EXPH5: variants seen among roughly 807,000 people sequenced by gnomAD.
The protein encoded by EXPH5 is exophilin 5.
Under a neutral mutation model 41.1 loss-of-function variants are expected in EXPH5, and 42 were observed. That is an observed-to-expected ratio of 1.02 (90% CI 0.80 to 1.32). EXPH5 has a LOEUF of 1.32. EXPH5 is among the 40% of genes most tolerant of loss of function. The pLI is 0.00. For missense variants in EXPH5, 2,298 were observed against 2,314.5 expected, an observed-to-expected ratio of 0.99 and a Z score of 0.15; for synonymous variants, 798 against 833.5, an observed-to-expected ratio of 0.96 and a Z score of 0.73.
chr11:108,532,352 ATATATATATATATATTTTTTTTTTTTTT>A lies in EXPH5; in HGVS notation c.444-4196_444-4169del, dbSNP rs1326612721. Reference sequence around the variant, plus strand: ...ACCACCACACTGGATATATATATATATATATATATATATATTTTTTTTTTTTTTTTTTTTTTTTTTTTTGTAGAGATGG... The same window carrying A: ...ACCACCACACTGGATATATATATATATTTTTTTTTTTTTTTGTAGAGATGG... On this transcript the variant is annotated intron_variant, in intron 3 of 5. Coordinates refer to ENST00000265843, the MANE Select transcript of EXPH5 (RefSeq NM_015065.3). Among the ~76,000 whole-genome samples, 5 of 7,656 alleles carry A rather than the reference ATATATATATATATATTTTTTTTTTTTTT, an allele frequency of 6.5e-4. 1 individual carries two copies. The highest frequency in any genetic ancestry group is 3.1e-3 in the African/African-American group (5 of 1,636). 5.0% of individuals were successfully genotyped at this position (7,656 alleles called of 152,430 possible). A position where few individuals can be genotyped will look rare whatever the true frequency, so the allele number is the denominator to read the frequency against.
chr11:108,562,341 G>A (rs971648751), intron 1 of EXPH5, among the ~76,000 whole-genome samples: 3 of 138,216 alleles, frequency 2.2e-5, no homozygotes, highest in East Asian at 2.2e-4. Context: ...GCCTATAATC[G>A]CAGCACTTTG....
intron 1 of EXPH5, among the ~76,000 whole-genome samples, chr11:108,581,579 A>G (rs952599903): frequency 2.0e-4 from 30 of 152,096 alleles, no homozygotes; most frequent in Non-Finnish European, 3.8e-4. Context: ...TCAATCAATA[A>G]TCTAAGTTTT....
At chr11:108,515,651 A>T (rs1255671312) in intron 5 of EXPH5, among the ~76,000 whole-genome samples, 1 of 152,204 alleles carries the variant, frequency 6.6e-6, no homozygotes, top group African/African-American at 2.4e-5. Context: ...TTCTATAATG[A>T]GGAAACTGAT....
intron 2 of EXPH5, among the ~76,000 whole-genome samples, chr11:108,541,136 C>T (rs536250342): frequency 6.6e-5 from 10 of 152,166 alleles, no homozygotes; most frequent in Non-Finnish European, 1.3e-4. Context: ...AACTCCTGAG[C>T]TTAAGTGATC....
chr11:108,538,995 G>A (rs2093896823), intron 3 of EXPH5, 29 bp downstream of exon 3: 1 of 1,528,284 alleles, frequency 6.5e-7, no homozygotes, highest in African/African-American at 1.4e-5. Context: ...ATAACAAATG[G>A]GCCGTAACAT....
In EXPH5 at chr11:108,511,118, G is replaced by A. The variant is rs74858839; in HGVS notation, c.4389C>T (p.Pro1463=). 1.3e-3 allele frequency: 2,018 copies of A among 1,613,894 alleles called. 22 individuals carry two copies. The African/African-American group carries it at 0.023, about 18-fold the overall frequency. ...AIPFTGSGKC[P]QKDHTSTAVG... ...CAGCTGTGGATGTGTGATCTTTCTGGGGACACTTGCCACTTCCAGTAAATG... is the reference window on the plus strand; with the variant it reads ...CAGCTGTGGATGTGTGATCTTTCTGAGGACACTTGCCACTTCCAGTAAATG... The change falls in exon 6 of 6, where the codon CCC becomes CCT. Residue 1463 remains proline, a synonymous_variant. Transcript: ENST00000265843.
At chr11:108,591,942 C>A (rs2094128486) in intron 1 of EXPH5, among the ~76,000 whole-genome samples, 1 of 152,234 alleles carries the variant, frequency 6.6e-6, no homozygotes, top group African/African-American at 2.4e-5. Flanking sequence ...GAAGCCCCAT[C>A]CTCTTCAGAG....
At position 108,508,076 on chromosome 11, in the gene EXPH5, G is replaced by A. The variant is rs867161187; in HGVS notation, c.*1461C>T. ...TGCCTGTAGTCCCAGCTACTTGGGA[G>A]GCTGAGGCAGGAGAATTGCCTGAAC... On this transcript the variant is annotated 3_prime_UTR_variant, in exon 6 of 6. Coordinates refer to ENST00000265843, the MANE Select transcript of EXPH5 (RefSeq NM_015065.3). The A allele has an allele frequency of 1.8e-4, 28 of 151,704 alleles. No homozygotes were observed. The highest frequency in any genetic ancestry group is 5.8e-4 in the African/African-American group (24 of 41,096). The allele number at this position is 151,704 out of a possible 1,614,324, so 9.4% of individuals were successfully genotyped here.
At chr11:108,523,135 T>G (rs1356488914) in intron 4 of EXPH5, among the ~76,000 whole-genome samples, 3 of 152,018 alleles carry the variant, frequency 2.0e-5, no homozygotes, top group African/African-American at 7.3e-5. Flanking sequence ...CTTGGCATCC[T>G]AAAGTGCTGG....
chr11:108,600,137 A>G, the EXPH5 span, among the ~76,000 whole-genome samples: 1 of 152,182 alleles, frequency 6.6e-6, no homozygotes, highest in Non-Finnish European at 1.5e-5. Flanking sequence ...GAAAATTCAA[A>G]TATGGGAGAC....
intron 1 of EXPH5, among the ~76,000 whole-genome samples, chr11:108,551,232 TTGTC>T (rs1420459023): frequency 6.6e-6 from 1 of 152,202 alleles, no homozygotes; most frequent in Admixed American, 6.5e-5. Flanking sequence ...GTGTATCTCA[TTGTC>T]TGTGGGTATT....
rs1387144157 is a variant in EXPH5, at chr11:108,512,720, C to T, written c.2787G>A (p.Lys929=). The change falls in exon 6 of 6, where the codon AAG becomes AAA. Residue 929 remains lysine, a synonymous_variant. Transcript: ENST00000265843. ...GEREEKDNAG[K]NQKNQFIVSH... ...TTACAATAAACTGATTCTTTTGGTT[C>T]TTCCCAGCATTGTCTTTTTCTTCTC... is the stretch of plus-strand genomic sequence containing the variant. 1 of 1,613,884 alleles carries T rather than the reference C, an allele frequency of 6.2e-7. No individual in the cohort carries two copies. The highest frequency in any genetic ancestry group is 1.1e-5 in the South Asian group (1 of 91,026).
chr11:108,601,678 CTCTT>C, the EXPH5 span, among the ~76,000 whole-genome samples: 32 of 151,940 alleles, frequency 2.1e-4, 1 homozygote, highest in South Asian at 4.4e-3. Context: ...GATGGAAACT[CTCTT>C]TCTTTCTTTT....
intron 1 of EXPH5, among the ~76,000 whole-genome samples, chr11:108,556,320 G>C (rs532435103): frequency 3.9e-4 from 59 of 152,114 alleles, no homozygotes; most frequent in African/African-American, 4.1e-4. Flanking sequence ...GGACTGTTTG[G>C]GGATTTGCCT....
chr11:108,555,925 C>A (rs192266704), intron 1 of EXPH5, among the ~76,000 whole-genome samples: 1 of 152,146 alleles, frequency 6.6e-6, no homozygotes, highest in South Asian at 2.1e-4. Flanking sequence ...TTCATAGCAG[C>A]GTGAGAACGG....
In EXPH5 at chr11:108,507,041, A is replaced by T. The variant is rs1267531857; in HGVS notation, c.*2496T>A. 2.6e-5 allele frequency: 4 copies of T among 152,132 alleles called. No homozygotes were observed. The highest frequency in any genetic ancestry group is 5.9e-5 in the Non-Finnish European group (4 of 68,016). The allele number at this position is 152,132 out of a possible 1,614,324, so 9.4% of individuals were successfully genotyped here. A position where few individuals can be genotyped will look rare whatever the true frequency, so the allele number is the denominator to read the frequency against. On this transcript the variant is annotated 3_prime_UTR_variant, in exon 6 of 6. Coordinates refer to ENST00000265843, the MANE Select transcript of EXPH5 (RefSeq NM_015065.3). ...ATAATCAGATAAATAGAAAAAGAGG[A>T]AAGGCAGAATTTACAAACATATATT... is the stretch of plus-strand genomic sequence containing the variant.
At chr11:108,580,676 G>T (rs903031889) in intron 1 of EXPH5, among the ~76,000 whole-genome samples, 3 of 143,842 alleles carry the variant, frequency 2.1e-5, no homozygotes, top group Admixed American at 7.0e-5. Context: ...CAGATGAATG[G>T]ATAAAGAAAA....
chr11:108,531,981 A>G (rs2093841002), intron 3 of EXPH5, among the ~76,000 whole-genome samples: 1 of 151,986 alleles, frequency 6.6e-6, no homozygotes, highest in African/African-American at 2.4e-5. Flanking sequence ...TCTGTGTCCA[A>G]GTTTTTGTCC....
At chr11:108,574,207 C>G (rs1303905598) in intron 1 of EXPH5, among the ~76,000 whole-genome samples, 1 of 151,922 alleles carries the variant, frequency 6.6e-6, no homozygotes, top group Non-Finnish European at 1.5e-5. Context: ...CCGCGCCCAA[C>G]CTACAAAAAG....
Sources: allele counts gnomAD v4.1 joint callset (sites outside exome capture counted in the v4.1 genomes callset), GRCh38; gene constraint gnomAD v4.1.1; transcripts MANE v1.5; gene names NCBI Gene and HGNC (gene_info 2026-07-23, HGNC 2026-07-21).